PDE10A: variants seen among roughly 807,000 people sequenced by gnomAD.
PDE10A encodes cAMP and cAMP-inhibited cGMP 3',5'-cyclic phosphodiesterase 10A.
PDE10A carries 39 observed loss-of-function variants against 97.7 expected under a neutral mutation model. The ratio of observed to expected loss-of-function variants is 0.40; its 90% CI spans 0.31 to 0.52. The LOEUF is 0.52. Ranked by LOEUF, PDE10A falls within the 20% of genes least tolerant of loss-of-function variation. PDE10A has a pLI of 0.56. For synonymous variants in PDE10A, 371 were observed against 376.8 expected (o/e 0.98, Z 0.18); for missense variants, 731 against 1,047.8 (o/e 0.70, Z 4.17).
chr6:165,713,201 G>A (rs1351753966), intron 1 of PDE10A, among the ~76,000 whole-genome samples: 2 of 152,186 alleles, frequency 1.3e-5, no homozygotes, highest in Non-Finnish European at 2.9e-5. Flanking sequence ...GAGTGCCCGT[G>A]GGGTTCAGAC....
chr6:165,916,884 A>G (rs531446552), intron 1 of PDE10A, among the ~76,000 whole-genome samples: 99 of 151,796 alleles, frequency 6.5e-4, no homozygotes, highest in African/African-American at 2.3e-3. Context: ...GCCACCTCCC[A>G]CTCCACCATA....
intron 3 of PDE10A, among the ~76,000 whole-genome samples, chr6:165,462,500 G>A (rs1428551323): frequency 5.3e-5 from 8 of 152,180 alleles, no homozygotes; most frequent in Admixed American, 1.3e-4. Context: ...ATCAACAGCC[G>A]ATTTGGATGC....
intron 1 of PDE10A, among the ~76,000 whole-genome samples, chr6:165,771,457 C>A (rs1164765953): frequency 1.3e-5 from 2 of 152,072 alleles, no homozygotes; most frequent in Non-Finnish European, 2.9e-5. Context: ...ACACGGCCAA[C>A]AACCAGGTTC....
chr6:165,866,289 T>A (rs779888719), intron 1 of PDE10A, among the ~76,000 whole-genome samples: 50 of 151,906 alleles, frequency 3.3e-4, no homozygotes, highest in Non-Finnish European at 6.3e-4. Flanking sequence ...TTAAAACATA[T>A]ATGACCACAT....
intron 21 of PDE10A, among the ~76,000 whole-genome samples, chr6:165,334,968 G>A (rs993088028): frequency 2.6e-4 from 40 of 152,026 alleles, no homozygotes; most frequent in Non-Finnish European, 4.9e-4. Context: ...TCTGTTCTCC[G>A]TCCTCCCACA....
chr6:165,339,379 A>C (rs758497299), intron 19 of PDE10A, 21 bp from the exon 20 acceptor site: 13 of 1,402,262 alleles, frequency 9.3e-6, no homozygotes, highest in Non-Finnish European at 1.3e-5. Flanking sequence ...TGGGGAGAAA[A>C]TCATGCTTTC....
intron 2 of PDE10A, among the ~76,000 whole-genome samples, chr6:165,514,524 A>G (rs1348831062): frequency 6.6e-6 from 1 of 152,180 alleles, no homozygotes; most frequent in Non-Finnish European, 1.5e-5. Context: ...AGCTGTGAAG[A>G]GATGGGGACC....
intron 1 of PDE10A, among the ~76,000 whole-genome samples, chr6:165,776,411 T>C (rs1423260993): frequency 6.6e-6 from 1 of 152,236 alleles, no homozygotes; most frequent in Admixed American, 6.5e-5. Context: ...TTTTTGCTTA[T>C]TTCGATTAAA....
intron 1 of PDE10A, among the ~76,000 whole-genome samples, chr6:165,600,294 G>C (rs1316930125): frequency 6.6e-6 from 1 of 152,232 alleles, no homozygotes; most frequent in Non-Finnish European, 1.5e-5. Context: ...GGGAGAGGGA[G>C]AGTGGCCAGC....
At chr6:165,501,962 A>C (rs938113803) in intron 2 of PDE10A, among the ~76,000 whole-genome samples, 11 of 152,196 alleles carry the variant, frequency 7.2e-5, no homozygotes, top group Non-Finnish European at 1.2e-4. Context: ...AAATCAACGA[A>C]CCAAAACAGA....
intron 1 of PDE10A, chr6:165,986,227 TG>T: frequency 6.5e-6 from 1 of 153,224 alleles, no homozygotes; most frequent in Non-Finnish European, 1.5e-5. Flanking sequence ...TGCCCAGGGC[TG>T]GGGATTTGGG....
chr6:165,409,939 A>G lies in PDE10A; in HGVS notation c.2076+3562T>C, dbSNP rs1259876864. 2.8e-5 allele frequency among the ~76,000 whole-genome samples: 4 copies of G among 141,806 alleles called. No homozygotes were observed. The East Asian group carries it at 8.1e-4, about 29-fold the overall frequency. 93.0% of individuals were successfully genotyped at this position (141,806 alleles called of 152,430 possible). A position where few individuals can be genotyped will look rare whatever the true frequency, so the allele number is the denominator to read the frequency against. Reference sequence around the variant, plus strand: ...TTAATCATGATTAAATCCAGGTATTATGATACCACAATTAGTGACTTAGAA... The same window carrying G: ...TTAATCATGATTAAATCCAGGTATTGTGATACCACAATTAGTGACTTAGAA... On this transcript the variant is annotated intron_variant, in intron 13 of 21. Coordinates refer to ENST00000539869, the MANE Select transcript of PDE10A (RefSeq NM_001385079.1).
chr6:165,484,626 A>G (rs1318934120), intron 2 of PDE10A, among the ~76,000 whole-genome samples: 1 of 152,190 alleles, frequency 6.6e-6, no homozygotes, highest in Non-Finnish European at 1.5e-5. Flanking sequence ...GACAGCACAG[A>G]GACCACAGGA....
chr6:165,836,295 G>A (rs111536201), intron 1 of PDE10A, among the ~76,000 whole-genome samples: 4 of 152,310 alleles, frequency 2.6e-5, no homozygotes, highest in African/African-American at 9.6e-5. Flanking sequence ...ACATTTGAGG[G>A]TACTTCTACC....
At chr6:165,377,872 T>G (rs931779367) in intron 18 of PDE10A, among the ~76,000 whole-genome samples, 1 of 152,228 alleles carries the variant, frequency 6.6e-6, no homozygotes, top group Admixed American at 6.5e-5. Flanking sequence ...AACACCCTAA[T>G]TGATGTTTAG....
intron 1 of PDE10A, among the ~76,000 whole-genome samples, chr6:165,821,579 C>T (rs546557113): frequency 6.6e-6 from 1 of 152,100 alleles, no homozygotes; most frequent in Non-Finnish European, 1.5e-5. Context: ...CAGTGGCGTG[C>T]GTGATCTCAG....
chr6:165,727,594 G>A (rs964277635), intron 1 of PDE10A, among the ~76,000 whole-genome samples: 1 of 152,220 alleles, frequency 6.6e-6, no homozygotes, highest in African/African-American at 2.4e-5. Flanking sequence ...CCTTCCCTAA[G>A]GCTGAAGCCA....
intron 1 of PDE10A, among the ~76,000 whole-genome samples, chr6:165,976,332 T>C (rs938355643): frequency 6.6e-6 from 1 of 152,152 alleles, no homozygotes; most frequent in Non-Finnish European, 1.5e-5. Flanking sequence ...CCTCTCACCA[T>C]CTTTGTATAC....
intron 3 of PDE10A, among the ~76,000 whole-genome samples, chr6:165,450,898 A>T (rs2128250036): frequency 6.6e-6 from 1 of 152,318 alleles, no homozygotes; most frequent in African/African-American, 2.4e-5. Context: ...GACTGCGTCT[A>T]TGCAGCCTAT....
Sources: gnomAD v4.1 joint callset for allele counts (sites outside exome capture counted in the v4.1 genomes callset) on GRCh38, gnomAD v4.1.1 for gene constraint, MANE v1.5 for transcripts, NCBI Gene and HGNC (gene_info 2026-07-23, HGNC 2026-07-21) for gene names.